The following KNDC1 variants were observed in gnomAD, a reference collection of about 807,000 sequenced individuals.
KNDC1 encodes the protein kinase non-catalytic C-lobe domain containing 1, also known as kinase non-catalytic C-lobe domain-containing protein 1.
In KNDC1, 106 loss-of-function variants were observed where a neutral mutation model predicts 172.8. That is an observed-to-expected ratio of 0.61 (90% CI 0.52 to 0.72). KNDC1 has a LOEUF of 0.72. KNDC1 is among the 30% of genes least tolerant of loss of function. The pLI is 0.00. For missense variants in KNDC1, 2,325 were observed against 2,394.5 expected (o/e 0.97, Z 0.61); for synonymous variants, 1,083 against 1,062.2 (o/e 1.02, Z -0.38).
At chr10:133,165,677 G>A (rs907108420) in intron 1 of KNDC1, among the ~76,000 whole-genome samples, 12 of 152,340 alleles carry the variant, frequency 7.9e-5, no homozygotes, top group East Asian at 5.8e-4. Flanking sequence ...GTGCGCCTGC[G>A]TGTGCAGGTG....
chr10:133,177,595 A>G (rs1200324814), intron 3 of KNDC1, among the ~76,000 whole-genome samples: 1 of 151,670 alleles, frequency 6.6e-6, no homozygotes, highest in African/African-American at 2.4e-5. Flanking sequence ...TATCGGGCAC[A>G]TGTGCATAAT....
At position 133,219,027 on chromosome 10, in the gene KNDC1, T is replaced by G; in HGVS notation, c.4801-4T>G. The G allele has an allele frequency of 6.2e-7, 1 of 1,614,014 alleles. No individual in the cohort carries two copies. The highest frequency in any genetic ancestry group is 8.5e-7 in the Non-Finnish European group (1 of 1,179,988). On this transcript the variant is annotated splice_region_variant and splice_polypyrimidine_tract_variant and intron_variant, in intron 27 of 29. Coordinates refer to ENST00000304613, the MANE Select transcript of KNDC1 (RefSeq NM_152643.8). ...CAGGAGGCTCACCTGTGCTTTCATT[T>G]CAGGCCTGGAGAATTCTGCCTGCAA...
At chr10:133,192,166 A>G (rs1017564567) in intron 9 of KNDC1, among the ~76,000 whole-genome samples, 1 of 152,248 alleles carries the variant, frequency 6.6e-6, no homozygotes, top group Non-Finnish European at 1.5e-5. Flanking sequence ...TAAAATTCAT[A>G]TGGAACCAAA....
At chr10:133,214,938 G>C (rs1385638337) in intron 26 of KNDC1, among the ~76,000 whole-genome samples, 1 of 152,210 alleles carries the variant, frequency 6.6e-6, no homozygotes, top group Admixed American at 6.5e-5. Context: ...CAGGAGGCCA[G>C]AGTCCCCCAG....
chr10:133,199,416 C>A, intron 14 of KNDC1, 42 bp from the exon 15 acceptor site: 1 of 1,603,920 alleles, frequency 6.2e-7, no homozygotes, highest in South Asian at 1.1e-5. Flanking sequence ...GATGAGCAGC[C>A]CTGCCACCAT....
rs1201605742 is a variant in KNDC1, at chr10:133,199,078, A to G, written c.2570A>G (p.Asp857Gly). ...PGATPAGERD[D>G]QSPDSVPERP... Reference sequence around the variant, plus strand: ...GCCACCCCTGCCGGGGAACGTGATGACCAGAGTCCAGACAGTGTCCCAGAG... The same window carrying G: ...GCCACCCCTGCCGGGGAACGTGATGGCCAGAGTCCAGACAGTGTCCCAGAG... The change falls in exon 14 of 30, where the codon GAC (aspartate) becomes GGC (glycine). Residue 857 changes from aspartate to glycine, a missense_variant. By Grantham distance (94) the Asp-to-Gly change is moderately conservative. Coordinates refer to ENST00000304613, the MANE Select transcript of KNDC1 (RefSeq NM_152643.8). 4 of 1,607,580 alleles carry G rather than the reference A, an allele frequency of 2.5e-6. No homozygotes were observed. Among genetic ancestry groups the G allele is most frequent in the Non-Finnish European group, 3.4e-6 (4 of 1,177,916 alleles).
At chr10:133,202,254 G>A (rs1306837521) in intron 17 of KNDC1, 1 of 579,642 alleles carries the variant, frequency 1.7e-6, no homozygotes, top group Non-Finnish European at 3.3e-6. Context: ...CAGCCTCCGG[G>A]CCCTTGGGCA....
In KNDC1 at chr10:133,226,168, G is replaced by A. The variant is rs1845714277; in HGVS notation, c.*1278G>A. ...GGCCCCGCTTCGATGTAACATGAGA[G>A]GAAGTCGGCGTCCTGGCCACGAAAT... On this transcript the variant is annotated 3_prime_UTR_variant, in exon 30 of 30. Coordinates refer to ENST00000304613, the MANE Select transcript of KNDC1 (RefSeq NM_152643.8). 6.6e-6 allele frequency: 1 copy of A among 152,270 alleles called. No homozygotes were observed. The highest frequency in any genetic ancestry group is 6.5e-5 in the Admixed American group (1 of 15,288). The allele number at this position is 152,270 out of a possible 1,614,324, so 9.4% of individuals were successfully genotyped here. A position where few individuals can be genotyped will look rare whatever the true frequency, so the allele number is the denominator to read the frequency against.
rs200382676 is a variant in KNDC1, at chr10:133,186,204, G to C, written c.856G>C (p.Glu286Gln). The C allele has an allele frequency of 6.4e-7, 1 of 1,572,920 alleles. No homozygotes were observed. Among genetic ancestry groups the C allele is most frequent in the East Asian group, 2.3e-5 (1 of 43,996 alleles). The change falls in exon 6 of 30, where the codon GAG becomes CAG. Residue 286 changes from glutamate to glutamine, a missense_variant. Coordinates refer to ENST00000304613, the MANE Select transcript of KNDC1 (RefSeq NM_152643.8). ...EGLAGLVLDA[E>Q]RTLGELDRDA... is the part of the protein sequence containing the mutation. ...GCTGGCCGGCCTCGTCCTGGATGCC[G>C]AGCGCACCCTCGGGGAGCTGGACAG... is the stretch of plus-strand genomic sequence containing the variant.
intron 12 of KNDC1, among the ~76,000 whole-genome samples, chr10:133,198,022 C>A (rs1854242732): frequency 1.3e-5 from 2 of 152,010 alleles, no homozygotes; most frequent in Non-Finnish European, 2.9e-5. Context: ...CTCCCAAGCC[C>A]ACATCTGGAG....
chr10:133,201,423 C>G, intron 16 of KNDC1, 78 bp from the exon 17 acceptor site: 5 of 1,450,012 alleles, frequency 3.4e-6, no homozygotes, highest in Non-Finnish European at 4.7e-6. Context: ...CAAGCACCAC[C>G]GGCCTCCCAT....
intron 3 of KNDC1, among the ~76,000 whole-genome samples, chr10:133,180,046 C>T (rs970010333): frequency 1.3e-5 from 2 of 152,242 alleles, no homozygotes; most frequent in Non-Finnish European, 2.9e-5. Context: ...CTCCGAGGTC[C>T]TTGTTTCCTG....
intron 6 of KNDC1, 45 bp from the exon 7 acceptor site, chr10:133,188,494 T>A: frequency 1.5e-6 from 2 of 1,334,458 alleles, no homozygotes; most frequent in Non-Finnish European, 2.1e-6. Flanking sequence ...CGGCGGGCCC[T>A]GGCAAGGGGT....
Position 133,210,698 on chromosome 10 carries a change from C to G in KNDC1, c.3882C>G (p.Leu1294=). The G allele has an allele frequency of 6.2e-7, 1 of 1,613,878 alleles. No homozygotes were observed. Among genetic ancestry groups the G allele is most frequent in the Non-Finnish European group, 8.5e-7 (1 of 1,179,712 alleles). The part of the protein sequence containing the change: ...CTPHDFLHFL[L]DRINSTLTRA... ...CCCACGACTTCCTGCACTTCCTCCTCGACCGCATCAACAGCACGCTGACCA... is the reference window on the plus strand; with the variant it reads ...CCCACGACTTCCTGCACTTCCTCCTGGACCGCATCAACAGCACGCTGACCA... The change falls in exon 21 of 30, where the codon CTC becomes CTG. Residue 1294 remains leucine (L), a synonymous_variant. Transcript: ENST00000304613.
At position 133,198,442 on chromosome 10, in the gene KNDC1, C is replaced by A. The variant is rs766088284; in HGVS notation, c.2012C>A (p.Thr671Asn). 4 of 1,603,384 alleles carry A rather than the reference C, an allele frequency of 2.5e-6. No homozygotes were observed. Among genetic ancestry groups the A allele is most frequent in the Admixed American group, 1.7e-5 (1 of 58,858 alleles). The change falls in exon 13 of 30, where the codon ACC becomes AAC. Residue 671 changes from threonine to asparagine, a missense_variant. By Grantham distance (65) the Thr-to-Asn change is moderately conservative (BLOSUM62 0). Coordinates refer to ENST00000304613, the MANE Select transcript of KNDC1 (RefSeq NM_152643.8). ...EEATQLPAAF[T>N]SEATHFKPIV... The stretch of plus-strand genomic sequence containing the variant: ...GCCACCCAGCTGCCTGCAGCGTTCA[C>A]CTCCGAGGCCACGCACTTCAAGCCC...
At chr10:133,172,839 A>C (rs976803423) in intron 3 of KNDC1, among the ~76,000 whole-genome samples, 2 of 152,172 alleles carry the variant, frequency 1.3e-5, no homozygotes, top group African/African-American at 4.8e-5. Flanking sequence ...CTGTCTCTAC[A>C]CAACATTTTA....
rs539291449 is a variant in KNDC1, at chr10:133,226,106, G to A, written c.*1216G>A. On this transcript the variant is annotated 3_prime_UTR_variant, in exon 30 of 30. Transcript: ENST00000304613. ...CAAATCGCTGCATTTTTAATGTCAA[G>A]ATGTGTTTTCCCACATAAATTCACC... 1 of 152,370 alleles carries A rather than the reference G, an allele frequency of 6.6e-6. No homozygotes were observed. Among genetic ancestry groups the A allele is most frequent in the South Asian group, 2.1e-4 (1 of 4,832 alleles). The allele number at this position is 152,370 out of a possible 1,614,324, so 9.4% of individuals were successfully genotyped here. A position where few individuals can be genotyped will look rare whatever the true frequency, so the allele number is the denominator to read the frequency against.
chr10:133,201,808 G>T lies in KNDC1; in HGVS notation c.3297G>T (p.Glu1099Asp). The change falls in exon 17 of 30, where the codon GAG becomes GAT. Residue 1099 changes from glutamate to aspartate, a missense_variant. By Grantham distance (45) the Glu-to-Asp change is conservative. Coordinates refer to ENST00000304613, the MANE Select transcript of KNDC1 (RefSeq NM_152643.8). ...CCGGCTGGTGCAGCGCCTTCTACGA[G>T]GCCGACTGCTTCGGGGCCGACGTCC... ...CSPGWCSAFY[E>D]ADCFGADVHN... 1.3e-6 allele frequency: 2 copies of T among 1,513,560 alleles called. No homozygotes were observed. The highest frequency in any genetic ancestry group is 1.8e-6 in the Non-Finnish European group (2 of 1,133,562). The allele number at this position is 1,513,560 out of a possible 1,614,324, so 93.8% of individuals were successfully genotyped here. A position where few individuals can be genotyped will look rare whatever the true frequency, so the allele number is the denominator to read the frequency against.
At position 133,195,664 on chromosome 10, in the gene KNDC1, CCT is replaced by C. The variant is rs1255704986; in HGVS notation, c.1580_1581del (p.Ser527CysfsTer48). ...ACTATTCTCTCCCCACCCGCCCAGG[CCT>C]CTGTGTACTGTGTGGCCGCCGTTCT... On this transcript the variant is annotated frameshift_variant and splice_region_variant, in exon 10 of 30. Coordinates refer to ENST00000304613, the MANE Select transcript of KNDC1 (RefSeq NM_152643.8). LOFTEE classifies it high-confidence loss of function. 6.3e-7 allele frequency: 1 copy of C among 1,596,838 alleles called. No homozygotes were observed. The highest frequency in any genetic ancestry group is 8.5e-7 in the Non-Finnish European group (1 of 1,172,170).
Sources: allele counts gnomAD v4.1 joint callset (sites outside exome capture counted in the v4.1 genomes callset), GRCh38; gene constraint gnomAD v4.1.1; transcripts MANE v1.5; gene names NCBI Gene and HGNC (gene_info 2026-07-23, HGNC 2026-07-21).